Variants in ARX observed in about 807,000 individuals in gnomAD.
The protein encoded by ARX is homeobox protein ARX.
Under a neutral mutation model 23.1 loss-of-function variants are expected in ARX, and 1 was observed. The ratio of observed to expected loss-of-function variants is 0.04; its 90% CI spans 0.02 to 0.21. ARX has a LOEUF of 0.21. ARX is among the 10% of genes least tolerant of loss of function. The pLI is 1.00. For synonymous variants in ARX, 301 were observed against 270.1 expected (o/e 1.11, Z -1.12); for missense variants, 380 against 527.5 (o/e 0.72, Z 2.74).
At chrX:25,007,463 G>GTCGGC (rs1569394173) in intron 3 of ARX, 24 bp from the exon 4 acceptor site, 1 of 1,147,370 alleles carries the variant, frequency 8.7e-7, no homozygotes, top group South Asian at 1.9e-5. Context: ...AGAGCCCAGG[G>GTCGGC]TCGGCGCGGC....
intron 2 of ARX, among the ~76,000 whole-genome samples, chrX:25,012,447 C>T (rs1173166331): frequency 8.9e-6 from 1 of 112,641 alleles, no homozygotes; most frequent in Non-Finnish European, 1.9e-5. Context: ...GGGCACCAGG[C>T]GGGGGTGGCG....
chrX:25,013,179 G>A lies in ARX; in HGVS notation c.816C>T (p.Gly272=). Residue 272 remains glycine, a synonymous_variant, in exon 2 of 5, where the codon GGC becomes GGT. Coordinates refer to ENST00000379044, the MANE Select transcript of ARX (RefSeq NM_139058.3). ...CAGCGGCAGCTGCTGCGGCCACGGC[G>A]CCAGTGGCGGCCACAGGACAGCGCC... ...EPRRCPVAAT[G]AVAAAAAAAV... The A allele has an allele frequency of 8.5e-7, 1 of 1,182,371 alleles. No homozygotes were observed.
chrX:25,010,195 A>G (rs752437818), intron 3 of ARX, 65 bp downstream of exon 3: 1 of 295,131 alleles, frequency 3.4e-6, no homozygotes, highest in African/African-American at 6.0e-5. Context: ...CCACCAACCC[A>G]TCTCTCTCTC....
At chrX:25,007,079 C>T (rs748690930) in intron 4 of ARX, 32 bp downstream of exon 4, 1 of 1,172,810 alleles carries the variant, frequency 8.5e-7, no homozygotes, top group South Asian at 1.9e-5. Flanking sequence ...GAGAGACAGA[C>T]AGACAGACAG....
At position 25,004,774 on chromosome X, in the gene ARX, C is replaced by A; in HGVS notation, c.1585G>T (p.Ala529Ser). The A allele has an allele frequency of 8.5e-7, 1 of 1,170,230 alleles. No homozygotes were observed. Among genetic ancestry groups the A allele is most frequent in the Non-Finnish European group, 1.1e-6 (1 of 874,809 alleles). ...DPATAAADRR[A>S]SSIAALRLKA... ...AGCCTCAGCGCGGCTATGCTAGAGG[C>A]GCGTCTGTCTGCGGCCGCCGTGGCC... Residue 529 changes from alanine to serine, a missense_variant, in exon 5 of 5, where the codon GCC becomes TCC. Physicochemically the swap from Ala to Ser is moderately conservative, Grantham distance 99. This residue lies in a region of ARX where 121 missense variants were observed against 169.7 expected (regional missense o/e 0.71). Coordinates refer to ENST00000379044, the MANE Select transcript of ARX (RefSeq NM_139058.3).
intron 2 of ARX, among the ~76,000 whole-genome samples, chrX:25,012,474 A>T (rs1034242871): frequency 2.3e-4 from 26 of 112,511 alleles, no homozygotes; most frequent in Non-Finnish European, 4.3e-4. Flanking sequence ...CAGCACAGCG[A>T]CCAAAAATAG....
intron 4 of ARX, chrX:25,005,829 G>A (rs1422360077): frequency 8.9e-6 from 1 of 112,487 alleles, no homozygotes; most frequent in Non-Finnish European, 1.9e-5. Context: ...GCTGTGGCCG[G>A]AGCCGCCCGG....
At chrX:25,011,460 C>T (rs1229515080) in intron 2 of ARX, among the ~76,000 whole-genome samples, 2 of 113,177 alleles carry the variant, frequency 1.8e-5, no homozygotes, top group East Asian at 2.8e-4. Context: ...AAAGGGCGGA[C>T]GTGGATGCCA....
In ARX at chrX:25,013,529, AGGCCGCGGCGGCCGC is replaced by A. The variant is rs757588621; in HGVS notation, c.451_465del (p.Ala151_Ala155del). 1.1e-4 allele frequency: 89 copies of A among 804,495 alleles called. No individual in the cohort carries two copies. Among genetic ancestry groups the A allele is most frequent in the South Asian group, 2.2e-4 (4 of 18,526 alleles). 66.3% of individuals were successfully genotyped at this position (804,495 alleles called of 1,213,427 possible). ...GCCTGGCTGATCTTGAGCGTGTCCCAGGCCGCGGCGGCCGCGGCCGCGGCTGCCGCGGCGGCCCCT... is the reference window on the plus strand; with the variant it reads ...GCCTGGCTGATCTTGAGCGTGTCCCAGGCCGCGGCTGCCGCGGCGGCCCCT... On this transcript the variant is annotated inframe_deletion, in exon 2 of 5. Coordinates refer to ENST00000379044, the MANE Select transcript of ARX (RefSeq NM_139058.3).
chrX:25,011,068 T>C (rs913628364), intron 2 of ARX, among the ~76,000 whole-genome samples: 1 of 112,056 alleles, frequency 8.9e-6, no homozygotes, highest in African/African-American at 3.2e-5. Context: ...TAGGAAACCA[T>C]TAAGATGCTG....
Position 25,015,770 on chromosome X carries a change from G to A in ARX, c.-33C>T. On this transcript the variant is annotated 5_prime_UTR_variant, in exon 1 of 5. Transcript: ENST00000379044. The stretch of plus-strand genomic sequence containing the variant: ...GCTTTTTCCCAGGGCGCAGAGAGCG[G>A]ATCGCCGGCTGCCTCTCCCGGAGGG... The A allele has an allele frequency of 1.7e-6, 2 of 1,167,464 alleles. No individual in the cohort carries two copies. The highest frequency in any genetic ancestry group is 2.4e-5 in the Admixed American group (1 of 41,196).
chrX:25,004,482 C>G lies in ARX; in HGVS notation c.*188G>C. ...GGGCAGGGGCGGGTGGACAGCCAGC[C>G]GAGGAGGTGCCACGTCCCGGAGCGC... On this transcript the variant is annotated 3_prime_UTR_variant, in exon 5 of 5. Coordinates refer to ENST00000379044, the MANE Select transcript of ARX (RefSeq NM_139058.3). 1 of 764,890 alleles carries G rather than the reference C, an allele frequency of 1.3e-6. No individual in the cohort carries two copies. The highest frequency in any genetic ancestry group is 1.9e-6 in the Non-Finnish European group (1 of 539,463). The allele number at this position is 764,890 out of a possible 1,213,427, so 63.0% of individuals were successfully genotyped here.
intron 3 of ARX, among the ~76,000 whole-genome samples, chrX:25,007,936 C>G: frequency 9.0e-6 from 1 of 111,456 alleles, no homozygotes; most frequent in Non-Finnish European, 1.9e-5. Context: ...GGGCAGCCAC[C>G]AAGAGATGAG....
intron 3 of ARX, among the ~76,000 whole-genome samples, chrX:25,007,948 G>A (rs1289352216): frequency 1.8e-5 from 2 of 111,472 alleles, no homozygotes; most frequent in Non-Finnish European, 3.8e-5. Context: ...AGAGATGAGG[G>A]ACATGCTTGT....
At chrX:25,010,357 C>G (rs1390009090) in intron 2 of ARX, 52 bp from the exon 3 acceptor site, 1 of 1,182,912 alleles carries the variant, frequency 8.5e-7, no homozygotes, top group Admixed American at 2.2e-5. Context: ...CCAGCAATGC[C>G]CTCTCAGCTA....
intron 2 of ARX, among the ~76,000 whole-genome samples, chrX:25,012,403 G>A (rs1332957623): frequency 8.9e-6 from 1 of 112,890 alleles, no homozygotes; most frequent in Non-Finnish European, 1.9e-5. Context: ...CAGCTTCACT[G>A]CGAACTGCGT....
rs1280534302 is a variant in ARX at position 25,004,561 on chromosome X, AG to A, written c.*108del. ...GCTGTGAAGGCGGCTGCGCTCTCTC[AG>A]TGCCGTCTCGGGAGTGTGCTGGTCC... On this transcript the variant is annotated 3_prime_UTR_variant, in exon 5 of 5. Transcript: ENST00000379044. 3.6e-6 allele frequency: 4 copies of A among 1,125,637 alleles called. No homozygotes were observed. Among genetic ancestry groups the A allele is most frequent in the Non-Finnish European group, 4.7e-6 (4 of 847,381 alleles). 92.8% of individuals were successfully genotyped at this position (1,125,637 alleles called of 1,213,427 possible).
At position 25,013,368 on chromosome X, in the gene ARX, G is replaced by A. The variant is rs1343612979; in HGVS notation, c.627C>T (p.Gly209=). The stretch of plus-strand genomic sequence containing the variant: ...CCGCAGCCGGGGCGCTGCCCGGGCC[G>A]CCGGCCACGCCGAGGCGCTCCTCCG... ...THPEERLGVA[G]GPGSAPAAGG... Residue 209 remains glycine (G), a synonymous_variant, in exon 2 of 5, where the codon GGC becomes GGT. Transcript: ENST00000379044. The A allele has an allele frequency of 2.6e-6, 3 of 1,139,977 alleles. No individual in the cohort carries two copies. The highest frequency in any genetic ancestry group is 1.2e-6 in the Non-Finnish European group (1 of 865,953). The allele number at this position is 1,139,977 out of a possible 1,213,427, so 93.9% of individuals were successfully genotyped here. A position where few individuals can be genotyped will look rare whatever the true frequency, so the allele number is the denominator to read the frequency against.
At chrX:25,010,131 T>C in intron 3 of ARX, 129 bp downstream of exon 3, 1 of 757,196 alleles carries the variant, frequency 1.3e-6, no homozygotes, top group Non-Finnish European at 2.0e-6. Flanking sequence ...TCTACTTTTC[T>C]GATCCTGCTT....
Sources: allele counts gnomAD v4.1 joint callset (sites outside exome capture counted in the v4.1 genomes callset), GRCh38; gene constraint gnomAD v4.1.1; regional missense constraint gnomAD v4.1.1; transcripts MANE v1.5; gene names NCBI Gene and HGNC (gene_info 2026-07-23, HGNC 2026-07-21).